Variants in STRIP2 observed in about 807,000 individuals in gnomAD.
STRIP2 encodes striatin-interacting protein 2.
Under a neutral mutation model 107.1 loss-of-function variants are expected in STRIP2, and 84 were observed. The ratio of observed to expected loss-of-function variants is 0.78; its 90% CI spans 0.66 to 0.94. The LOEUF (loss-of-function observed/expected upper bound fraction) is 0.94, where lower values mean the gene tolerates loss of function less well. STRIP2 is among the 40% of genes least tolerant of loss of function. STRIP2 has a pLI of 0.00. For missense variants in STRIP2, 888 were observed against 1,034.2 expected (o/e 0.86, Z 1.94); for synonymous variants, 394 against 400.4 (o/e 0.98, Z 0.19).
intron 1 of STRIP2, among the ~76,000 whole-genome samples, 195 bp from the exon 2 acceptor site, chr7:129,439,827 C>T (rs1167378042): frequency 6.6e-6 from 1 of 152,170 alleles, no homozygotes; most frequent in East Asian, 1.9e-4. Flanking sequence ...TCAGCCCCTC[C>T]CCACACTGAG....
At chr7:129,446,377 T>C (rs889479443) in intron 3 of STRIP2, among the ~76,000 whole-genome samples, 1 of 152,220 alleles carries the variant, frequency 6.6e-6, no homozygotes, top group African/African-American at 2.4e-5. Flanking sequence ...AATTTTCCAA[T>C]CATGCTTCTT....
intron 3 of STRIP2, among the ~76,000 whole-genome samples, chr7:129,447,310 G>A (rs184181036): frequency 1.7e-4 from 26 of 152,336 alleles, no homozygotes; most frequent in Non-Finnish European, 2.8e-4. Context: ...GTGCTTCTTG[G>A]TTGTAGGAGG....
intron 8 of STRIP2, 53 bp from the exon 9 acceptor site, chr7:129,456,386 C>T: frequency 1.9e-6 from 3 of 1,557,488 alleles, no homozygotes; most frequent in Non-Finnish European, 2.7e-6. Flanking sequence ...CCTTGGCTCT[C>T]TCTTACTTCC....
rs1287915831 is a variant in STRIP2 at position 129,483,068 on chromosome 7, G to A, written c.2254+22G>A. 1 of 1,611,660 alleles carries A rather than the reference G, an allele frequency of 6.2e-7. No homozygotes were observed. The highest frequency in any genetic ancestry group is 8.5e-7 in the Non-Finnish European group (1 of 1,178,122). On this transcript the variant is annotated intron_variant, in intron 20 of 20. Transcript: ENST00000249344. The surrounding 1 kb of genome is among the most constrained non-coding windows in gnomAD (Gnocchi z 5.1). ...AATGGTGAGTCTTCCCAAAGCTCTT[G>A]ACTTCCTGGAGTTTCCTGGGGTTTA...
At chr7:129,475,568 C>G (rs582396) in intron 18 of STRIP2, among the ~76,000 whole-genome samples, 1 of 99,300 alleles carries the variant, frequency 1.0e-5, no homozygotes, top group Admixed American at 1.1e-4. Context: ...TTTTTTTTTT[C>G]TTTTTATTTT....
chr7:129,467,364 G>A lies in STRIP2; in HGVS notation c.1791G>A (p.Ser597=), dbSNP rs768092221. Residue 597 remains serine, a synonymous_variant, in exon 17 of 21, where the codon TCG becomes TCA. Transcript: ENST00000249344. The part of the protein sequence containing the change: ...LNHIYQFEYV[S]QHLVFANCIP... Reference sequence around the variant, plus strand: ...TTTTAATTCAGTTTGAATATGTATCGCAACATTTGGTATTTGCCAACTGCA... The same window carrying A: ...TTTTAATTCAGTTTGAATATGTATCACAACATTTGGTATTTGCCAACTGCA... 68 of 1,612,452 alleles carry A rather than the reference G, an allele frequency of 4.2e-5. No individual in the cohort carries two copies. Among genetic ancestry groups the A allele is most frequent in the East Asian group, 3.1e-4 (14 of 44,858 alleles).
chr7:129,465,019 C>G (rs1434245296), intron 16 of STRIP2, among the ~76,000 whole-genome samples: 1 of 148,024 alleles, frequency 6.8e-6, no homozygotes. Context: ...AGTTTTTAAA[C>G]AATGCAAGAG....
chr7:129,467,692 G>A (rs1341326997), intron 17 of STRIP2, among the ~76,000 whole-genome samples: 2 of 152,150 alleles, frequency 1.3e-5, no homozygotes, highest in Non-Finnish European at 2.9e-5. Flanking sequence ...AAGAAATGAA[G>A]TGGCAATGAT....
At chr7:129,473,916 A>T (rs1382643518) in intron 18 of STRIP2, among the ~76,000 whole-genome samples, 1 of 151,730 alleles carries the variant, frequency 6.6e-6, no homozygotes, top group Non-Finnish European at 1.5e-5. Context: ...ACAGTGTTGT[A>T]CTGTGTTAGC....
In STRIP2 at chr7:129,458,631, A is replaced by G. The variant is rs1798436439; in HGVS notation, c.1275-81A>G. On this transcript the variant is annotated intron_variant, in intron 10 of 20. Coordinates refer to ENST00000249344, the MANE Select transcript of STRIP2 (RefSeq NM_020704.3). This position sits in a 1 kb window ranked among gnomAD's most constrained non-coding sequence, Gnocchi z 4.6. ...CTGCTCCAGTCCTCTGATTGGAGGG[A>G]TAGGAGCCCGGAAAGTTTTTCTCTC... 6.7e-7 allele frequency: 1 copy of G among 1,489,232 alleles called. No homozygotes were observed. Among genetic ancestry groups the G allele is most frequent in the Non-Finnish European group, 9.3e-7 (1 of 1,071,308 alleles). The allele number at this position is 1,489,232 out of a possible 1,614,324, so 92.3% of individuals were successfully genotyped here. A position where few individuals can be genotyped will look rare whatever the true frequency, so the allele number is the denominator to read the frequency against.
chr7:129,434,532 C>G lies in STRIP2; in HGVS notation c.60C>G (p.Gly20=). 6.6e-7 allele frequency: 1 copy of G among 1,517,938 alleles called. No homozygotes were observed. The highest frequency in any genetic ancestry group is 8.8e-7 in the Non-Finnish European group (1 of 1,140,244). 94.0% of individuals were successfully genotyped at this position (1,517,938 alleles called of 1,614,324 possible). A position where few individuals can be genotyped will look rare whatever the true frequency, so the allele number is the denominator to read the frequency against. Residue 20 remains glycine (G), a synonymous_variant, in exon 1 of 21, where the codon GGC becomes GGG. Transcript: ENST00000249344. ...CGCCCGCAAATGGCAATGGCAACGG[C>G]GGCGGCAAAGGGAAGCAGGCGGCGC... ...GGPPANGNGN[G]GGKGKQAAPK...
chr7:129,442,051 C>T (rs1306191520), intron 2 of STRIP2, among the ~76,000 whole-genome samples: 1 of 152,142 alleles, frequency 6.6e-6, no homozygotes, highest in Non-Finnish European at 1.5e-5. Context: ...ATGGTGAAAC[C>T]TTGTCTCTAG....
Position 129,458,193 on chromosome 7 carries a change from C to T in STRIP2, c.1039-22C>T, listed in dbSNP as rs2151001934. The stretch of plus-strand genomic sequence containing the variant: ...CCAGAGTGAGATCTCTGCATGCCTA[C>T]CCTCCCTTCTTTCCCCTCCAGCAAC... On this transcript the variant is annotated intron_variant, in intron 9 of 20. Transcript: ENST00000249344. The surrounding 1 kb of genome is among the most constrained non-coding windows in gnomAD (Gnocchi z 4.6). 1 of 1,595,180 alleles carries T rather than the reference C, an allele frequency of 6.3e-7. No individual in the cohort carries two copies. Among genetic ancestry groups the T allele is most frequent in the Admixed American group, 1.7e-5 (1 of 59,848 alleles).
chr7:129,438,048 G>A (rs781671128), intron 1 of STRIP2, among the ~76,000 whole-genome samples: 1 of 152,060 alleles, frequency 6.6e-6, no homozygotes, highest in Non-Finnish European at 1.5e-5. Context: ...CTCGTAATCC[G>A]CCCACCTCGG....
chr7:129,446,659 T>C (rs1248128855), intron 3 of STRIP2, among the ~76,000 whole-genome samples: 1 of 152,114 alleles, frequency 6.6e-6, no homozygotes, highest in Non-Finnish European at 1.5e-5. Flanking sequence ...CTCTGTCAAC[T>C]TATAGGGAGC....
chr7:129,481,808 T>G (rs527521570), intron 19 of STRIP2, among the ~76,000 whole-genome samples: 15 of 152,020 alleles, frequency 9.9e-5, no homozygotes, highest in South Asian at 2.1e-4. Flanking sequence ...TCAAGATATA[T>G]TCAATAAAAA....
rs1290922385 is a variant in STRIP2 at position 129,458,757 on chromosome 7, C to A, written c.1320C>A (p.Phe440Leu). ...TCTTGGAGATGAGCAGGAACAAGTTCATCGGATTCACCCTGGGGCAGTAAG... is the reference window on the plus strand; with the variant it reads ...TCTTGGAGATGAGCAGGAACAAGTTAATCGGATTCACCCTGGGGCAGTAAG... Reference protein sequence around the residue: ...EHFLEMSRNKFIGFTLGQDTD... With the variant: ...EHFLEMSRNKLIGFTLGQDTD... Residue 440 changes from phenylalanine (F) to leucine (L), a missense_variant, in exon 11 of 21, where the codon TTC becomes TTA. Physicochemically the swap from Phe to Leu is conservative, Grantham distance 22. Coordinates refer to ENST00000249344, the MANE Select transcript of STRIP2 (RefSeq NM_020704.3). This position sits in a 1 kb window ranked among gnomAD's most constrained non-coding sequence, Gnocchi z 4.6. 3.7e-6 allele frequency: 6 copies of A among 1,614,144 alleles called. No homozygotes were observed. The highest frequency in any genetic ancestry group is 5.1e-6 in the Non-Finnish European group (6 of 1,180,026).
intron 18 of STRIP2, among the ~76,000 whole-genome samples, chr7:129,475,328 C>A (rs962485862): frequency 1.3e-5 from 2 of 151,658 alleles, no homozygotes; most frequent in East Asian, 1.9e-4. Flanking sequence ...ATATTGATAT[C>A]TTTTTATTTT....
Position 129,451,713 on chromosome 7 carries a change from G to A in STRIP2, c.375G>A (p.Leu125=), listed in dbSNP as rs182153075. The A allele has an allele frequency of 1.2e-6, 2 of 1,614,032 alleles. No homozygotes were observed. Among genetic ancestry groups the A allele is most frequent in the East Asian group, 4.5e-5 (2 of 44,880 alleles). ...RLEVVSRERR[L]KVARAVLYLA... ...AGGTGGTCAGTAGGGAACGGCGGCT[G>A]AAGGTGGCCCGGGCTGTTCTCTACC... Residue 125 remains leucine (L), a synonymous_variant, in exon 4 of 21, where the codon CTG becomes CTA. Transcript: ENST00000249344.
Sources: gnomAD v4.1 joint callset for allele counts (sites outside exome capture counted in the v4.1 genomes callset) on GRCh38, gnomAD v4.1.1 for gene constraint, Gnocchi (gnomAD v3.1) non-coding constraint, MANE v1.5 for transcripts, NCBI Gene and HGNC (gene_info 2026-07-23, HGNC 2026-07-21) for gene names.